FIG4: variants seen among roughly 807,000 people sequenced by gnomAD.
FIG4 encodes the protein FIG4 phosphoinositide 5-phosphatase.
Under a neutral mutation model 118.6 loss-of-function variants are expected in FIG4, and 112 were observed. The ratio of observed to expected loss-of-function variants is 0.94; its 90% CI spans 0.81 to 1.11. The LOEUF (loss-of-function observed/expected upper bound fraction) is 1.11, where lower values mean the gene tolerates loss of function less well. FIG4 is among the 50% of genes least tolerant of loss of function. FIG4 has a pLI of 0.00. For missense variants in FIG4, 969 were observed against 1,111.7 expected, an observed-to-expected ratio of 0.87 and a Z score of 1.83; for synonymous variants, 369 against 381.2, an observed-to-expected ratio of 0.97 and a Z score of 0.37.
At chr6:109,775,163 A>T (rs1412407518) in intron 15 of FIG4, among the ~76,000 whole-genome samples, 1 of 152,184 alleles carries the variant, frequency 6.6e-6, no homozygotes, top group Admixed American at 6.5e-5. Context: ...CAGAGAGCCT[A>T]CCAGTTTTAA....
chr6:109,732,265 A>G (rs1431985829), intron 4 of FIG4, among the ~76,000 whole-genome samples: 1 of 152,220 alleles, frequency 6.6e-6, no homozygotes, highest in Non-Finnish European at 1.5e-5. Context: ...GGTGACCCAC[A>G]TTGCGCTTGT....
chr6:109,759,443 T>A (rs1043798332), intron 10 of FIG4, among the ~76,000 whole-genome samples: 38 of 152,190 alleles, frequency 2.5e-4, no homozygotes, highest in African/African-American at 9.2e-4. Flanking sequence ...AAACTCACCA[T>A]GCTCTGTCTC....
intron 3 of FIG4, among the ~76,000 whole-genome samples, chr6:109,723,813 C>T (rs1193875898): frequency 1.3e-5 from 2 of 152,140 alleles, no homozygotes; most frequent in African/African-American, 4.8e-5. Flanking sequence ...GTGTTTCCTA[C>T]CACATGATCC....
At position 109,735,252 on chromosome 6, in the gene FIG4, C is replaced by G. The variant is rs775231713; in HGVS notation, c.600C>G (p.Ser200Arg). The G allele has an allele frequency of 3.7e-6, 6 of 1,613,526 alleles. No homozygotes were observed. In the South Asian group the frequency reaches 5.5e-5, roughly 15 times the overall value. Residue 200 changes from serine to arginine, a missense_variant, in exon 6 of 23, where the codon AGC becomes AGG. Around this residue, in one of 3 missense-constraint regions of FIG4, gnomAD observed 393 missense variants for 409.4 expected, o/e 0.96. Transcript: ENST00000230124. ...AAATGACCCAGAATCGCCAAGAGAG[C>G]TTTGACATCTTTGAAGATGAAGGAT... ...KSEMTQNRQESFDIFEDEGLI... is the reference protein window; with the variant it reads ...KSEMTQNRQERFDIFEDEGLI...
In FIG4 at chr6:109,707,862, T is replaced by C. The variant is rs930454107; in HGVS notation, c.67-7216T>C. Among the ~76,000 whole-genome samples the C allele has an allele frequency of 3.9e-5, 6 of 152,270 alleles. 1 individual carries two copies. On this transcript the variant is annotated intron_variant, in intron 1 of 22. Coordinates refer to ENST00000230124, the MANE Select transcript of FIG4 (RefSeq NM_014845.6). ...GACTTTTTGAAGCGAAATATCTTTA[T>C]TTTTGCTAATGAAGTACTTATTTTT...
intron 21 of FIG4, among the ~76,000 whole-genome samples, chr6:109,794,993 T>C (rs1474341579): frequency 1.3e-5 from 2 of 152,140 alleles, no homozygotes; most frequent in East Asian, 1.9e-4. Flanking sequence ...CCCCGCTGTC[T>C]ATGTCTTCCT....
At chr6:109,799,466 AT>A (rs1778373430) in intron 22 of FIG4, among the ~76,000 whole-genome samples, 1 of 152,230 alleles carries the variant, frequency 6.6e-6, no homozygotes, top group Admixed American at 6.5e-5. Context: ...TTCTAAAGCT[AT>A]GTCCAAACCA....
intron 22 of FIG4, 35 bp from the exon 23 acceptor site, chr6:109,825,053 T>C (rs1162205475): frequency 3.1e-6 from 5 of 1,598,816 alleles, no homozygotes; most frequent in Non-Finnish European, 4.3e-6. Context: ...TTATATTTTC[T>C]TTAATGCAGC....
intron 22 of FIG4, among the ~76,000 whole-genome samples, chr6:109,801,700 G>A (rs1778433093): frequency 6.6e-6 from 1 of 152,226 alleles, no homozygotes; most frequent in East Asian, 1.9e-4. Flanking sequence ...TTACAGATCA[G>A]AGCATGCTGT....
At chr6:109,800,996 C>T (rs548201655) in intron 22 of FIG4, among the ~76,000 whole-genome samples, 30 of 152,224 alleles carry the variant, frequency 2.0e-4, no homozygotes, top group African/African-American at 5.8e-4. Context: ...TCACTATATT[C>T]GTGCAAGACC....
intron 22 of FIG4, among the ~76,000 whole-genome samples, chr6:109,814,054 C>T (rs1428832319): frequency 1.3e-5 from 2 of 152,194 alleles, no homozygotes; most frequent in African/African-American, 2.4e-5. Flanking sequence ...AGGTACATCA[C>T]AAATACAGAC....
intron 1 of FIG4, among the ~76,000 whole-genome samples, chr6:109,712,354 A>G (rs1775290088): frequency 6.6e-6 from 1 of 152,198 alleles, no homozygotes; most frequent in Non-Finnish European, 1.5e-5. Context: ...ATGTTTTCCA[A>G]GTTGGTTCCA....
intron 14 of FIG4, among the ~76,000 whole-genome samples, chr6:109,765,730 A>C (rs1235577032): frequency 1.3e-5 from 2 of 152,240 alleles, no homozygotes; most frequent in East Asian, 3.8e-4. Flanking sequence ...TAAGATGTAT[A>C]AAAGATTGAT....
At chr6:109,710,624 TG>T (rs142690052) in intron 1 of FIG4, among the ~76,000 whole-genome samples, 2,013 of 152,234 alleles carry the variant, frequency 0.013, 20 homozygotes, top group Middle Eastern at 0.051. Flanking sequence ...ATTTTTTGCT[TG>T]TAGGCTATTT....
intron 2 of FIG4, among the ~76,000 whole-genome samples, chr6:109,716,207 A>G (rs1378790377): frequency 1.3e-5 from 2 of 152,212 alleles, no homozygotes; most frequent in Non-Finnish European, 2.9e-5. Flanking sequence ...TCTCTGGTTT[A>G]GAGTATAAGG....
intron 22 of FIG4, among the ~76,000 whole-genome samples, chr6:109,812,112 G>T (rs541640036): frequency 6.6e-6 from 1 of 151,992 alleles, no homozygotes; most frequent in Non-Finnish European, 1.5e-5. Context: ...CTTCCCTTTC[G>T]CTTGTCACTT....
intron 22 of FIG4, among the ~76,000 whole-genome samples, chr6:109,816,871 G>A (rs1342962679): frequency 1.3e-5 from 2 of 152,130 alleles, no homozygotes; most frequent in Non-Finnish European, 2.9e-5. Flanking sequence ...ACCTAAGTAG[G>A]GCGTCATCAC....
intron 5 of FIG4, among the ~76,000 whole-genome samples, chr6:109,733,067 A>G (rs1429129031): frequency 1.3e-5 from 2 of 152,148 alleles, no homozygotes; most frequent in African/African-American, 2.4e-5. Flanking sequence ...GGGTAAAAAC[A>G]AATTAAAAAT....
chr6:109,718,732 T>C (rs1422072392), intron 3 of FIG4, among the ~76,000 whole-genome samples: 1 of 152,200 alleles, frequency 6.6e-6, no homozygotes, highest in Non-Finnish European at 1.5e-5. Flanking sequence ...TGTATGTCTG[T>C]ATGTGTCACG....
Sources: gnomAD v4.1 joint callset for allele counts (sites outside exome capture counted in the v4.1 genomes callset) on GRCh38, gnomAD v4.1.1 for gene constraint, gnomAD v4.1.1 regional missense constraint, MANE v1.5 for transcripts, NCBI Gene and HGNC (gene_info 2026-07-23, HGNC 2026-07-21) for gene names.